GDA: variants seen among roughly 807,000 people sequenced by gnomAD.
GDA encodes guanine deaminase.
GDA carries 18 observed loss-of-function variants against 59.6 expected under a neutral mutation model. The observed-to-expected ratio is 0.30, with a 90% CI of 0.21 to 0.45. The LOEUF is 0.45. Ranked by LOEUF, GDA falls within the 20% of genes least tolerant of loss-of-function variation. The pLI is 1.00. For synonymous variants in GDA, 201 were observed against 201.1 expected, an observed-to-expected ratio of 1.00 and a Z score of 0.00; for missense variants, 427 against 552.3, an observed-to-expected ratio of 0.77 and a Z score of 2.27.
chr9:72,204,704 C>A (rs556848454), intron 3 of GDA, among the ~76,000 whole-genome samples: 2 of 152,250 alleles, frequency 1.3e-5, no homozygotes, highest in Admixed American at 6.5e-5. Context: ...CCAGATAGAT[C>A]ATTCTTTTAT....
intron 12 of GDA, among the ~76,000 whole-genome samples, chr9:72,245,869 C>T (rs1427909181): frequency 6.6e-6 from 1 of 152,122 alleles, no homozygotes; most frequent in African/African-American, 2.4e-5. Flanking sequence ...ATAAAATAAA[C>T]TAGTTCATCT....
intron 1 of GDA, among the ~76,000 whole-genome samples, chr9:72,134,209 A>G (rs1826139267): frequency 6.6e-6 from 1 of 152,204 alleles, no homozygotes; most frequent in Non-Finnish European, 1.5e-5. Flanking sequence ...CTACTTGTCA[A>G]AGGCCCAAGA....
intron 1 of GDA, among the ~76,000 whole-genome samples, chr9:72,119,875 C>G (rs910348281): frequency 6.6e-6 from 1 of 152,056 alleles, no homozygotes; most frequent in Admixed American, 6.6e-5. Flanking sequence ...TCTGTGACTT[C>G]TGCAGAAAAG....
intron 5 of GDA, among the ~76,000 whole-genome samples, chr9:72,218,994 G>T (rs1019729904): frequency 1.3e-5 from 2 of 152,184 alleles, no homozygotes; most frequent in Admixed American, 1.3e-4. Flanking sequence ...AAAAAGCAGA[G>T]TAATTACTAC....
chr9:72,174,361 C>T (rs1453739401), intron 1 of GDA, among the ~76,000 whole-genome samples: 1 of 152,208 alleles, frequency 6.6e-6, no homozygotes, highest in Admixed American at 6.5e-5. Context: ...TATGTAATGC[C>T]TGCCATCCAT....
intron 6 of GDA, among the ~76,000 whole-genome samples, chr9:72,221,887 T>G (rs1836927736): frequency 6.6e-6 from 1 of 152,220 alleles, no homozygotes; most frequent in African/African-American, 2.4e-5. Context: ...AATGGCATGA[T>G]CTCATTCTCT....
intron 1 of GDA, among the ~76,000 whole-genome samples, chr9:72,194,949 C>G (rs1017828168): frequency 2.0e-5 from 3 of 152,176 alleles, no homozygotes; most frequent in African/African-American, 7.2e-5. Context: ...GCTATGCTCT[C>G]CTTCCACCAG....
downstream of GDA, among the ~76,000 whole-genome samples, chr9:72,253,773 G>T (rs1840821788): frequency 1.3e-5 from 2 of 152,030 alleles, no homozygotes; most frequent in Admixed American, 6.6e-5. Flanking sequence ...TGTAGACACT[G>T]GGTATTACAA....
At chr9:72,195,263 T>C (rs995086825) in intron 1 of GDA, among the ~76,000 whole-genome samples, 10 of 151,868 alleles carry the variant, frequency 6.6e-5, no homozygotes, top group African/African-American at 2.4e-4. Flanking sequence ...TTTTGAAGTC[T>C]CAGATTGATA....
intron 1 of GDA, among the ~76,000 whole-genome samples, chr9:72,141,652 C>G (rs999635529): frequency 2.6e-5 from 4 of 152,140 alleles, no homozygotes; most frequent in Non-Finnish European, 4.4e-5. Flanking sequence ...TAGGAACATG[C>G]ATGCAATGAC....
Position 72,140,995 on chromosome 9 carries a change from A to G in GDA, c.-100+26162A>G, listed in dbSNP as rs116602154. On this transcript the variant is annotated intron_variant, in intron 1 of 13. Coordinates refer to the GDA transcript ENST00000545168. ...TGAACTTACACATGCTCCAAATCCCAATCACATGTTTTTCATTTCATAGCA... is the reference window on the plus strand; with the variant it reads ...TGAACTTACACATGCTCCAAATCCCGATCACATGTTTTTCATTTCATAGCA... Among the ~76,000 whole-genome samples the G allele has an allele frequency of 4.1e-3, 623 of 152,290 alleles. 5 individuals carry two copies. Among genetic ancestry groups the G allele is most frequent in the African/African-American group, 0.014 (570 of 41,564 alleles).
intron 3 of GDA, among the ~76,000 whole-genome samples, chr9:72,204,100 C>A (rs1834361109): frequency 6.6e-6 from 1 of 152,070 alleles, no homozygotes; most frequent in African/African-American, 2.4e-5. Context: ...CAGGCATGAG[C>A]CACCGCGCCC....
intron 3 of GDA, among the ~76,000 whole-genome samples, chr9:72,203,828 T>C (rs911125188): frequency 2.0e-5 from 3 of 152,070 alleles, no homozygotes; most frequent in African/African-American, 7.2e-5. Flanking sequence ...TTTTCTTCTT[T>C]TTTTTGGAGA....
At chr9:72,139,258 T>C (rs913440971) in intron 1 of GDA, among the ~76,000 whole-genome samples, 2 of 152,180 alleles carry the variant, frequency 1.3e-5, no homozygotes, top group Non-Finnish European at 1.5e-5. Flanking sequence ...ACATGAGGAA[T>C]GGGTAAAAAT....
rs41287395 is a variant in GDA at position 72,228,195 on chromosome 9, G to A, written c.920+155G>A. 5,321 of 609,316 alleles carry A rather than the reference G, an allele frequency of 8.7e-3. 64 individuals are homozygous for A. Among genetic ancestry groups the A allele is most frequent in the South Asian group, 0.014 (713 of 52,004 alleles). The allele number at this position is 609,316 out of a possible 1,614,324, so 37.7% of individuals were successfully genotyped here. ...ATAGACATTTACTCGTGCTGTTGAG[G>A]AGTAAAAGAGAACACGTAAGAGGAC... On this transcript the variant is annotated intron_variant, in intron 9 of 13. Coordinates refer to ENST00000358399, the MANE Select transcript of GDA (RefSeq NM_004293.5).
intron 6 of GDA, among the ~76,000 whole-genome samples, chr9:72,220,554 A>G (rs1382692227): frequency 1.3e-5 from 2 of 152,166 alleles, no homozygotes; most frequent in Admixed American, 6.5e-5. Context: ...GTCACTGCTC[A>G]GGTTAGAGTT....
At chr9:72,205,071 A>G (rs1834510196) in intron 3 of GDA, among the ~76,000 whole-genome samples, 2 of 144,878 alleles carry the variant, frequency 1.4e-5, no homozygotes, top group Non-Finnish European at 3.0e-5. Context: ...AGATCAGGCC[A>G]CTACACTCTA....
chr9:72,175,815 T>C (rs1051301321), intron 1 of GDA, among the ~76,000 whole-genome samples: 3 of 152,182 alleles, frequency 2.0e-5, no homozygotes, highest in Non-Finnish European at 4.4e-5. Flanking sequence ...GAACTAGTTT[T>C]TGGAAATTGT....
chr9:72,216,476 G>T (rs1014056062), intron 5 of GDA, among the ~76,000 whole-genome samples: 1 of 152,050 alleles, frequency 6.6e-6, no homozygotes, highest in African/African-American at 2.4e-5. Context: ...GTATACAATG[G>T]AATATTATTC....
Sources: allele counts gnomAD v4.1 joint callset (sites outside exome capture counted in the v4.1 genomes callset), GRCh38; gene constraint gnomAD v4.1.1; transcripts MANE v1.5; gene names NCBI Gene and HGNC (gene_info 2026-07-23, HGNC 2026-07-21).